Variants in LRRC53 observed in about 807,000 individuals in gnomAD.
The protein encoded by LRRC53 is leucine rich repeat containing 53, also known as leucine-rich repeat-containing protein 53.
Under a neutral mutation model 13.6 loss-of-function variants are expected in LRRC53, and 25 were observed. The observed-to-expected ratio is 1.83, with a 90% CI of 1.34 to 2.56. The LOEUF (loss-of-function observed/expected upper bound fraction) is 2.56, where lower values mean the gene tolerates loss of function less well. Among genes scored for constraint, LRRC53 ranks in the 30% most tolerant of loss-of-function variants. The pLI, the probability that LRRC53 is intolerant of heterozygous loss-of-function variation, is 0.00. For synonymous variants in LRRC53, 204 were observed against 109.8 expected (o/e 1.86, Z -5.37); for missense variants, 527 against 275.8 (o/e 1.91, Z -6.45).
chr1:74,534,382 T>C, the LRRC53 span, among the ~76,000 whole-genome samples: 1 of 152,304 alleles, frequency 6.6e-6, no homozygotes, highest in Non-Finnish European at 1.5e-5. Context: ...TGCAATTCAG[T>C]CAGAAGCAAT....
chr1:74,475,858 C>T (rs930725309), intron 3 of LRRC53, 48 bp from the exon 4 acceptor site: 5 of 530,664 alleles, frequency 9.4e-6, no homozygotes, highest in Non-Finnish European at 1.7e-5. Flanking sequence ...TGGGAAGAAA[C>T]ACATAAATCA....
chr1:74,503,126 AAAC>A (rs1386968772), intron 1 of LRRC53, among the ~76,000 whole-genome samples: 2 of 152,180 alleles, frequency 1.3e-5, no homozygotes, highest in Non-Finnish European at 2.9e-5. Context: ...TGAATGAAAA[AAAC>A]AACAACAATC....
At chr1:74,482,382 T>A (rs1668547902) in intron 2 of LRRC53, among the ~76,000 whole-genome samples, 1 of 152,240 alleles carries the variant, frequency 6.6e-6, no homozygotes, top group African/African-American at 2.4e-5. Context: ...AGACATCAAC[T>A]GTCTCTGATC....
intron 2 of LRRC53, among the ~76,000 whole-genome samples, chr1:74,482,305 G>A (rs1028989169): frequency 2.0e-5 from 3 of 152,128 alleles, no homozygotes; most frequent in African/African-American, 7.2e-5. Flanking sequence ...CACAAATATG[G>A]TGTTCTGTAA....
the LRRC53 span, among the ~76,000 whole-genome samples, chr1:74,532,002 T>G: frequency 6.6e-6 from 1 of 152,298 alleles, no homozygotes; most frequent in South Asian, 2.1e-4. Context: ...AAAAACTAAT[T>G]GGACCAATTT....
the LRRC53 span, among the ~76,000 whole-genome samples, chr1:74,527,208 G>C: frequency 1.3e-5 from 2 of 152,198 alleles, no homozygotes; most frequent in Non-Finnish European, 2.9e-5. Flanking sequence ...GGCACACGGA[G>C]ACTCATAAGG....
the LRRC53 span, among the ~76,000 whole-genome samples, chr1:74,533,770 G>A: frequency 6.6e-6 from 1 of 152,060 alleles, no homozygotes; most frequent in African/African-American, 2.4e-5. Flanking sequence ...TAGGGACATG[G>A]ATGAAATTGG....
At chr1:74,525,384 A>G in the LRRC53 span, among the ~76,000 whole-genome samples, 1 of 152,136 alleles carries the variant, frequency 6.6e-6, no homozygotes, top group Admixed American at 6.6e-5. Flanking sequence ...CAGGAAGGTA[A>G]AAAATTTTGC....
chr1:74,480,011 C>A, intron 3 of LRRC53, 142 bp downstream of exon 3: 1 of 603,598 alleles, frequency 1.7e-6, no homozygotes, highest in Non-Finnish European at 3.0e-6. Context: ...GCCAAATCAG[C>A]TAATATCCTC....
rs191784427 is a variant in LRRC53 at position 74,485,268 on chromosome 1, G to C, written c.-26-1893C>G. The stretch of plus-strand genomic sequence containing the variant: ...AGTACAGTGAATTTCCATGGGCAGA[G>C]AATAAGCATTAGGTAATTCCAGTCT... On this transcript the variant is annotated intron_variant, in intron 1 of 4. Transcript: ENST00000294635. Among the ~76,000 whole-genome samples the C allele has an allele frequency of 8.5e-5, 13 of 152,304 alleles. No homozygotes were observed. In the East Asian group the frequency reaches 2.1e-3, roughly 25 times the overall value.
At chr1:74,481,284 C>G (rs929307469) in intron 2 of LRRC53, among the ~76,000 whole-genome samples, 11 of 152,172 alleles carry the variant, frequency 7.2e-5, no homozygotes, top group African/African-American at 2.7e-4. Context: ...TTGAAGGTGT[C>G]TTTTCAGGCC....
chr1:74,504,548 T>C (rs1669792796), intron 1 of LRRC53, among the ~76,000 whole-genome samples: 1 of 152,044 alleles, frequency 6.6e-6, no homozygotes, highest in Admixed American at 6.5e-5. Flanking sequence ...TCAAACAAAA[T>C]ATTCTGTTCA....
intron 1 of LRRC53, among the ~76,000 whole-genome samples, chr1:74,505,045 A>G (rs1669823411): frequency 6.6e-6 from 1 of 152,148 alleles, no homozygotes; most frequent in South Asian, 2.1e-4. Context: ...TAGTGATGAG[A>G]GTTCTATGAG....
chr1:74,500,252 T>C (rs1386500988), intron 1 of LRRC53, among the ~76,000 whole-genome samples: 1 of 152,120 alleles, frequency 6.6e-6, no homozygotes, highest in East Asian at 1.9e-4. Context: ...TTATTTAGGC[T>C]TACCTCATGT....
chr1:74,491,784 A>G (rs1669090408), intron 1 of LRRC53, among the ~76,000 whole-genome samples: 1 of 152,234 alleles, frequency 6.6e-6, no homozygotes, highest in African/African-American at 2.4e-5. Flanking sequence ...GAATGTGAAG[A>G]ATCTTTTGAT....
chr1:74,517,624 A>G, the LRRC53 span, among the ~76,000 whole-genome samples: 2 of 152,168 alleles, frequency 1.3e-5, no homozygotes, highest in African/African-American at 4.8e-5. Flanking sequence ...GCTATGTCCA[A>G]CTCACAGTGG....
At chr1:74,533,691 A>T in the LRRC53 span, among the ~76,000 whole-genome samples, 2 of 151,290 alleles carry the variant, frequency 1.3e-5, no homozygotes, top group Admixed American at 1.3e-4. Context: ...GACTGGATTA[A>T]GAAAATGTGG....
chr1:74,533,822 A>G, the LRRC53 span, among the ~76,000 whole-genome samples: 1 of 152,152 alleles, frequency 6.6e-6, no homozygotes, highest in African/African-American at 2.4e-5. Flanking sequence ...ACAAAAAACC[A>G]AACACCGCAT....
the LRRC53 span, among the ~76,000 whole-genome samples, chr1:74,527,759 C>G: frequency 6.6e-6 from 1 of 152,208 alleles, no homozygotes; most frequent in Non-Finnish European, 1.5e-5. Context: ...ACTGTTTTAT[C>G]TCTTCCCTTC....
Sources: gnomAD v4.1 joint callset for allele counts (sites outside exome capture counted in the v4.1 genomes callset) on GRCh38, gnomAD v4.1.1 for gene constraint, MANE v1.5 for transcripts, NCBI Gene and HGNC (gene_info 2026-07-23, HGNC 2026-07-21) for gene names.